The following DLG2 variants were observed in gnomAD, a reference collection of about 807,000 sequenced individuals.
DLG2 encodes disks large homolog 2.
A neutral mutation model predicts 132.5 loss-of-function variants in DLG2; 45 were observed. That is an observed-to-expected ratio of 0.34 (90% CI 0.27 to 0.44). The LOEUF (loss-of-function observed/expected upper bound fraction) is 0.44, where lower values mean the gene tolerates loss of function less well. Ranked by LOEUF, DLG2 falls within the 20% of genes least tolerant of loss-of-function variation. The pLI, the probability that DLG2 is intolerant of heterozygous loss-of-function variation, is 1.00. For missense variants in DLG2, 1,045 were observed against 1,196.9 expected, an observed-to-expected ratio of 0.87 and a Z score of 1.87; for synonymous variants, 424 against 419.6, an observed-to-expected ratio of 1.01 and a Z score of -0.13.
intron 6 of DLG2, among the ~76,000 whole-genome samples, chr11:84,839,135 T>C (rs2080234658): frequency 6.6e-6 from 1 of 152,076 alleles, no homozygotes; most frequent in East Asian, 1.9e-4. Flanking sequence ...GATAAACAAC[T>C]TCAGCAAAGT....
chr11:84,980,149 G>A (rs532268791), intron 6 of DLG2, among the ~76,000 whole-genome samples: 2 of 152,236 alleles, frequency 1.3e-5, no homozygotes, highest in Middle Eastern at 3.4e-3. Flanking sequence ...GTAGTCAGTT[G>A]TAATACTTAA....
chr11:85,013,248 AGTTAT>A (rs1327798542), intron 6 of DLG2, among the ~76,000 whole-genome samples: 2 of 152,142 alleles, frequency 1.3e-5, no homozygotes, highest in Non-Finnish European at 2.9e-5. Context: ...GTATGGCAGA[AGTTAT>A]GTTATATTTC....
intron 3 of DLG2, among the ~76,000 whole-genome samples, chr11:85,450,850 C>T (rs2092214433): frequency 6.6e-6 from 1 of 151,940 alleles, no homozygotes; most frequent in Non-Finnish European, 1.5e-5. Flanking sequence ...CTTTTTGTTT[C>T]CTCCTACCCA....
intron 18 of DLG2, among the ~76,000 whole-genome samples, chr11:83,697,236 T>G (rs1239715322): frequency 3.3e-5 from 5 of 152,198 alleles, no homozygotes; most frequent in African/African-American, 4.8e-5. Flanking sequence ...AATGATCAAC[T>G]GAAGTGAACA....
At chr11:84,929,506 C>T (rs1177766219) in intron 6 of DLG2, among the ~76,000 whole-genome samples, 2 of 152,022 alleles carry the variant, frequency 1.3e-5, no homozygotes, top group Non-Finnish European at 2.9e-5. Context: ...GGTGCTTGCA[C>T]CCACATGTAT....
chr11:84,000,625 A>G lies in DLG2; in HGVS notation c.920-19983T>C, dbSNP rs182892003. On this transcript the variant is annotated intron_variant, in intron 11 of 27. Coordinates refer to ENST00000376104, the MANE Select transcript of DLG2 (RefSeq NM_001142699.3). ...AATTCAAAAAGCATCAAAAGTGTCT[A>G]GTCACCTACAAGGGAATCTCCACTA... Among the ~76,000 whole-genome samples the G allele has an allele frequency of 7.9e-4, 121 of 152,276 alleles. 1 individual carries two copies. The highest frequency in any genetic ancestry group is 2.9e-3 in the African/African-American group (120 of 41,570).
intron 7 of DLG2, among the ~76,000 whole-genome samples, chr11:84,393,175 T>C (rs914990598): frequency 6.6e-6 from 1 of 152,152 alleles, no homozygotes; most frequent in Non-Finnish European, 1.5e-5. Flanking sequence ...TCTTTCACCA[T>C]TGATCTCCAT....
intron 6 of DLG2, chr11:84,546,435 A>C: frequency 4.5e-6 from 1 of 224,292 alleles, no homozygotes; most frequent in Non-Finnish European, 9.3e-6. Flanking sequence ...TGAGCCAATT[A>C]AACCTCTTTT....
intron 4 of DLG2, among the ~76,000 whole-genome samples, chr11:85,251,542 A>G (rs1382443149): frequency 2.0e-5 from 3 of 152,166 alleles, no homozygotes; most frequent in Admixed American, 6.5e-5. Flanking sequence ...AAAACACCCT[A>G]AAATTTCACT....
intron 7 of DLG2, among the ~76,000 whole-genome samples, chr11:84,445,298 T>C (rs1190172833): frequency 6.6e-6 from 1 of 152,194 alleles, no homozygotes; most frequent in Admixed American, 6.5e-5. Flanking sequence ...ATAAATACAT[T>C]TTAATAGTCT....
chr11:85,248,396 T>C (rs17810357), intron 4 of DLG2, among the ~76,000 whole-genome samples: 6,380 of 152,186 alleles, frequency 0.042, 175 homozygotes, highest in East Asian at 0.094. Context: ...TAAATAGTTC[T>C]CAAATGACAG....
intron 3 of DLG2, among the ~76,000 whole-genome samples, chr11:85,451,847 C>T (rs1188463488): frequency 6.6e-6 from 1 of 151,924 alleles, no homozygotes; most frequent in African/African-American, 2.4e-5. Context: ...CATGCCCTGC[C>T]CAATTTTTAA....
intron 6 of DLG2, among the ~76,000 whole-genome samples, chr11:84,916,379 A>AAAAAAAAAAG (rs2092470191): frequency 6.8e-6 from 1 of 146,664 alleles, no homozygotes; most frequent in African/African-American, 2.5e-5. Flanking sequence ...AAAAAAAAAA[A>AAAAAAAAAAG]GAAGCAGTAA....
intron 17 of DLG2, among the ~76,000 whole-genome samples, chr11:83,807,639 G>T (rs1043963908): frequency 1.3e-5 from 2 of 152,182 alleles, no homozygotes; most frequent in Non-Finnish European, 2.9e-5. Flanking sequence ...AAAGGGAGAA[G>T]AAATCAAGGC....
At chr11:84,022,884 T>C (rs1041541720) in intron 11 of DLG2, among the ~76,000 whole-genome samples, 2 of 152,162 alleles carry the variant, frequency 1.3e-5, no homozygotes, top group Non-Finnish European at 2.9e-5. Flanking sequence ...AAATCTCTCC[T>C]GTTATAATCC....
chr11:85,390,979 A>G (rs2086748453), intron 3 of DLG2, among the ~76,000 whole-genome samples: 1 of 152,052 alleles, frequency 6.6e-6, no homozygotes, highest in Non-Finnish European at 1.5e-5. Context: ...AAAACTGCAA[A>G]TGATATATGA....
chr11:84,861,265 A>T (rs1397440498), intron 6 of DLG2, among the ~76,000 whole-genome samples: 1 of 152,144 alleles, frequency 6.6e-6, no homozygotes, highest in East Asian at 1.9e-4. Context: ...CATGTGAAGA[A>T]AAATCTTGGT....
At chr11:84,482,817 T>C (rs2099141266) in intron 7 of DLG2, among the ~76,000 whole-genome samples, 1 of 152,166 alleles carries the variant, frequency 6.6e-6, no homozygotes, top group South Asian at 2.1e-4. Flanking sequence ...ATAGGTGTTT[T>C]AAGACTGCTG....
At chr11:84,925,331 G>A (rs2092937111) in intron 6 of DLG2, among the ~76,000 whole-genome samples, 1 of 152,038 alleles carries the variant, frequency 6.6e-6, no homozygotes, top group Non-Finnish European at 1.5e-5. Context: ...AGGCTATCAG[G>A]GAGGACTTCT....
Sources: gnomAD v4.1 joint callset for allele counts (sites outside exome capture counted in the v4.1 genomes callset) on GRCh38, gnomAD v4.1.1 for gene constraint, MANE v1.5 for transcripts, NCBI Gene and HGNC (gene_info 2026-07-23, HGNC 2026-07-21) for gene names.